Variants in SORCS1 observed in about 807,000 individuals in gnomAD.
SORCS1 encodes VPS10 domain-containing receptor SorCS1.
A neutral mutation model predicts 146.1 loss-of-function variants in SORCS1; 60 were observed. The observed-to-expected ratio is 0.41, with a 90% CI of 0.33 to 0.51. SORCS1 has a LOEUF of 0.51. Among genes scored for constraint, SORCS1 ranks in the 20% least tolerant of loss-of-function variants. The pLI, the probability that SORCS1 is intolerant of heterozygous loss-of-function variation, is 0.21. For missense variants in SORCS1, 1,352 were observed against 1,487.6 expected (o/e 0.91, Z 1.50); for synonymous variants, 637 against 584.0 (o/e 1.09, Z -1.31).
intron 6 of SORCS1, among the ~76,000 whole-genome samples, chr10:106,729,392 C>T (rs2136004504): frequency 6.6e-6 from 1 of 152,142 alleles, no homozygotes; most frequent in Non-Finnish European, 1.5e-5. Context: ...ACTCAACTGA[C>T]TCTCCTCCTG....
At chr10:106,948,923 T>C (rs4918270) in intron 2 of SORCS1, among the ~76,000 whole-genome samples, 63,947 of 151,870 alleles carry the variant, frequency 0.42, 16,794 homozygotes, top group Non-Finnish European at 0.58. Flanking sequence ...ATCACGCCAC[T>C]GCACTTCAAC....
chr10:107,069,656 G>A (rs896211301), intron 1 of SORCS1, among the ~76,000 whole-genome samples: 12 of 152,104 alleles, frequency 7.9e-5, no homozygotes, highest in East Asian at 1.9e-4. Context: ...GATTACAGGC[G>A]TGAGCCACCT....
intron 3 of SORCS1, among the ~76,000 whole-genome samples, chr10:106,784,200 C>T (rs1034232928): frequency 6.6e-5 from 10 of 152,036 alleles, no homozygotes; most frequent in African/African-American, 2.4e-4. Context: ...TCGAGACCAT[C>T]CTGGCTAACA....
At chr10:106,895,930 CAT>C (rs911537974) in intron 2 of SORCS1, among the ~76,000 whole-genome samples, 19 of 132,750 alleles carry the variant, frequency 1.4e-4, no homozygotes, top group Admixed American at 4.4e-4. Flanking sequence ...TGTACACAAA[CAT>C]ATATATATGT....
At chr10:107,050,978 T>TAG (rs1960052121) in intron 1 of SORCS1, among the ~76,000 whole-genome samples, 1 of 152,132 alleles carries the variant, frequency 6.6e-6, no homozygotes, top group Admixed American at 6.6e-5. Flanking sequence ...AGGTTCTGTG[T>TAG]GACATAAAGT....
At chr10:107,035,690 C>T (rs1424788005) in intron 1 of SORCS1, among the ~76,000 whole-genome samples, 1 of 151,950 alleles carries the variant, frequency 6.6e-6, no homozygotes, top group Non-Finnish European at 1.5e-5. Flanking sequence ...TGGAAAAGCT[C>T]GTATCTCACT....
rs1589902594 is a variant in SORCS1, at chr10:106,798,112, G to A, written c.727-21420C>T. Among the ~76,000 whole-genome samples the A allele has an allele frequency of 2.6e-5, 4 of 152,138 alleles. No individual in the cohort carries two copies. The East Asian group carries it at 7.7e-4, about 29-fold the overall frequency. The stretch of plus-strand genomic sequence containing the variant: ...TCTTCTCCATGCTGTTCTTGTGATA[G>A]CGAATAAGTCTCACGAGATCTGATG... On this transcript the variant is annotated intron_variant, in intron 3 of 25. Coordinates refer to ENST00000263054, the MANE Select transcript of SORCS1 (RefSeq NM_052918.5).
intron 2 of SORCS1, among the ~76,000 whole-genome samples, chr10:106,916,675 T>C (rs1311460722): frequency 2.0e-5 from 3 of 150,586 alleles, no homozygotes; most frequent in Non-Finnish European, 3.0e-5. Flanking sequence ...TAAATATATA[T>C]ATATTTCCAT....
intron 5 of SORCS1, among the ~76,000 whole-genome samples, chr10:106,751,384 G>C (rs1423537556): frequency 1.3e-5 from 2 of 152,114 alleles, no homozygotes; most frequent in African/African-American, 2.4e-5. Context: ...TAAAAGAAGA[G>C]CGAACAAAGT....
intron 3 of SORCS1, among the ~76,000 whole-genome samples, chr10:106,791,953 ACTCACTTGAAATCCTCATTTGAT>A (rs1222641801): frequency 3.3e-5 from 5 of 151,886 alleles, no homozygotes; most frequent in Non-Finnish European, 7.4e-5. Context: ...ATTTATGTTT[ACTCACTTGAAATCCTCATTTGAT>A]ACACAGACTG....
intron 5 of SORCS1, among the ~76,000 whole-genome samples, chr10:106,758,046 AAAG>A (rs1238452973): frequency 1.3e-5 from 2 of 152,218 alleles, no homozygotes; most frequent in Non-Finnish European, 1.5e-5. Context: ...TTCAAAAACA[AAAG>A]AAGGAGGTTT....
rs964950856 is a variant in SORCS1 at position 106,960,023 on chromosome 10, C to T, written c.559-3443G>A. On this transcript the variant is annotated intron_variant, in intron 1 of 25. Transcript: ENST00000263054. The surrounding 1 kb of genome is among the most constrained non-coding windows in gnomAD (Gnocchi z 4.4). The stretch of plus-strand genomic sequence containing the variant: ...ACATATATACCCCCACACAAAGTGG[C>T]ATATCCATCAGCACCCCATTTATTT... Among the ~76,000 whole-genome samples the T allele has an allele frequency of 6.6e-6, 1 of 152,134 alleles. No individual in the cohort carries two copies. Among genetic ancestry groups the T allele is most frequent in the Non-Finnish European group, 1.5e-5 (1 of 68,018 alleles).
intron 20 of SORCS1, 139 bp downstream of exon 20, chr10:106,620,289 G>T: frequency 1.9e-6 from 2 of 1,048,394 alleles, no homozygotes; most frequent in Non-Finnish European, 2.7e-6. Flanking sequence ...AGATACTTGA[G>T]CACCAAGGGA....
chr10:107,020,563 A>G (rs1341395971), intron 1 of SORCS1, among the ~76,000 whole-genome samples: 2 of 152,238 alleles, frequency 1.3e-5, no homozygotes, highest in Non-Finnish European at 1.5e-5. Context: ...ACAGTGATCA[A>G]TATGCCTCAA....
At chr10:107,121,276 T>G (rs939118193) in intron 1 of SORCS1, among the ~76,000 whole-genome samples, 1 of 152,166 alleles carries the variant, frequency 6.6e-6, no homozygotes. Context: ...CTGTCAATCC[T>G]GAGAGCCATT....
rs77609995 is a variant in SORCS1, at chr10:106,586,194, A to G, written c.3266-6720T>C. ...CTTCTATCCCCACTCTCAGGGTGGC[A>G]GGGTAAAAGTAAGAAGACCATACAT... On this transcript the variant is annotated intron_variant, in intron 24 of 25. Transcript: ENST00000263054. Among the ~76,000 whole-genome samples, 1,389 of 152,264 alleles carry G rather than the reference A, an allele frequency of 9.1e-3. 7 individuals carry two copies. Among genetic ancestry groups the G allele is most frequent in the Non-Finnish European group, 0.015 (1,032 of 68,030 alleles).
chr10:107,101,850 T>C (rs1274350728), intron 1 of SORCS1, among the ~76,000 whole-genome samples: 1 of 152,092 alleles, frequency 6.6e-6, no homozygotes, highest in African/African-American at 2.4e-5. Context: ...AAGTATGACA[T>C]TTTCCAGTCA....
intron 2 of SORCS1, among the ~76,000 whole-genome samples, chr10:106,943,758 C>T (rs916916424): frequency 1.3e-5 from 2 of 151,934 alleles, no homozygotes; most frequent in Non-Finnish European, 2.9e-5. Context: ...TGCAGTGAGC[C>T]GAGATCGTGC....
intron 1 of SORCS1, among the ~76,000 whole-genome samples, chr10:107,019,169 G>T (rs1958025767): frequency 6.6e-6 from 1 of 152,182 alleles, no homozygotes; most frequent in Admixed American, 6.5e-5. Context: ...TGTATTTGTA[G>T]ATTGTAGATC....
Sources: allele counts gnomAD v4.1 joint callset (sites outside exome capture counted in the v4.1 genomes callset), GRCh38; gene constraint gnomAD v4.1.1; non-coding constraint Gnocchi (gnomAD v3.1); transcripts MANE v1.5; gene names NCBI Gene and HGNC (gene_info 2026-07-23, HGNC 2026-07-21).